The following GALNT13 variants were observed in gnomAD, a reference collection of about 807,000 sequenced individuals.
GALNT13 encodes the protein polypeptide N-acetylgalactosaminyltransferase 13.
Under a neutral mutation model 64.2 loss-of-function variants are expected in GALNT13, and 28 were observed. That is an observed-to-expected ratio of 0.44 (90% CI 0.32 to 0.60). GALNT13 has a LOEUF of 0.60. GALNT13 is among the 20% of genes least tolerant of loss of function. The pLI, the probability that GALNT13 is intolerant of heterozygous loss-of-function variation, is 0.05. For synonymous variants in GALNT13, 214 were observed against 224.6 expected, an observed-to-expected ratio of 0.95 and a Z score of 0.42; for missense variants, 577 against 669.8, an observed-to-expected ratio of 0.86 and a Z score of 1.53.
At chr2:154,293,059 A>C (rs1692732452) in intron 8 of GALNT13, among the ~76,000 whole-genome samples, 1 of 152,202 alleles carries the variant, frequency 6.6e-6, no homozygotes, top group Admixed American at 6.5e-5. Flanking sequence ...GACAAGCTTT[A>C]ATTCCCTGTG....
intron 11 of GALNT13, among the ~76,000 whole-genome samples, chr2:154,422,405 T>G (rs1024317202): frequency 6.6e-6 from 1 of 152,146 alleles, no homozygotes; most frequent in African/African-American, 2.4e-5. Flanking sequence ...TCAAAGGATT[T>G]GATCCAATAC....
chr2:153,501,267 C>G, the GALNT13 span, among the ~76,000 whole-genome samples: 1 of 152,082 alleles, frequency 6.6e-6, no homozygotes, highest in Non-Finnish European at 1.5e-5. Context: ...AGTCTGTTTT[C>G]TTTCAGTAGT....
At chr2:153,872,605 T>G (rs1225275372) in intron 1 of GALNT13, among the ~76,000 whole-genome samples, 3 of 70,710 alleles carry the variant, frequency 4.2e-5, no homozygotes, top group Non-Finnish European at 7.7e-5. Flanking sequence ...GCTACCCCGG[T>G]GAGTTGTTGG....
the GALNT13 span, among the ~76,000 whole-genome samples, chr2:153,207,479 G>A: frequency 1.7e-4 from 26 of 152,082 alleles, no homozygotes; most frequent in Middle Eastern, 6.8e-3. Context: ...CCCTACTTGC[G>A]TAACTCATTG....
chr2:153,265,832 A>G, the GALNT13 span, among the ~76,000 whole-genome samples: 2 of 152,230 alleles, frequency 1.3e-5, no homozygotes, highest in Admixed American at 1.3e-4. Context: ...TGTTGAAATG[A>G]CAACAAAGGA....
At chr2:153,812,319 A>G in the GALNT13 span, among the ~76,000 whole-genome samples, 1 of 152,346 alleles carries the variant, frequency 6.6e-6, no homozygotes, top group African/African-American at 2.4e-5. Context: ...ATATGATGCA[A>G]GAAAAGGCAA....
intron 2 of GALNT13, among the ~76,000 whole-genome samples, chr2:153,905,617 C>G (rs958679740): frequency 3.6e-4 from 55 of 152,002 alleles, no homozygotes; most frequent in African/African-American, 1.3e-3. Context: ...TGATTTTGGT[C>G]ATAACTTTCA....
the GALNT13 span, among the ~76,000 whole-genome samples, chr2:153,383,817 G>A: frequency 6.6e-6 from 1 of 152,032 alleles, no homozygotes; most frequent in Non-Finnish European, 1.5e-5. Flanking sequence ...CCCAGGATGA[G>A]TGGCAGAAAA....
At chr2:153,554,863 A>G in the GALNT13 span, among the ~76,000 whole-genome samples, 1 of 152,326 alleles carries the variant, frequency 6.6e-6, no homozygotes, top group Admixed American at 6.5e-5. Flanking sequence ...CCTTTTAAAA[A>G]TATATGAAAA....
the GALNT13 span, among the ~76,000 whole-genome samples, chr2:153,260,518 T>A: frequency 6.6e-6 from 1 of 152,216 alleles, no homozygotes; most frequent in African/African-American, 2.4e-5. Flanking sequence ...AAATATGTCA[T>A]GTCATGCTCT....
At chr2:154,400,550 T>G (rs1184484162) in intron 10 of GALNT13, among the ~76,000 whole-genome samples, 2 of 152,152 alleles carry the variant, frequency 1.3e-5, no homozygotes, top group African/African-American at 2.4e-5. Context: ...ATCACCAAAG[T>G]CAATAGTTAT....
chr2:153,208,742 G>A, the GALNT13 span, among the ~76,000 whole-genome samples: 1 of 152,042 alleles, frequency 6.6e-6, no homozygotes, highest in Admixed American at 6.6e-5. Context: ...TTTCCAAAGT[G>A]TTTGTACTAT....
At chr2:153,455,894 G>A in the GALNT13 span, among the ~76,000 whole-genome samples, 3 of 152,118 alleles carry the variant, frequency 2.0e-5, no homozygotes, top group Admixed American at 6.5e-5. Flanking sequence ...TGGTAAATGC[G>A]GAGCATTTTA....
At chr2:153,552,151 A>G in the GALNT13 span, among the ~76,000 whole-genome samples, 2 of 152,180 alleles carry the variant, frequency 1.3e-5, no homozygotes, top group Non-Finnish European at 2.9e-5. Context: ...CTATTTGTGG[A>G]CACTGAAAAG....
At chr2:153,398,817 A>G in the GALNT13 span, among the ~76,000 whole-genome samples, 1 of 137,882 alleles carries the variant, frequency 7.3e-6, no homozygotes, top group African/African-American at 2.8e-5. Context: ...TAGATTCTGG[A>G]TATTAGCCCT....
At chr2:153,254,851 TG>T in the GALNT13 span, among the ~76,000 whole-genome samples, 1 of 152,234 alleles carries the variant, frequency 6.6e-6, no homozygotes, top group African/African-American at 2.4e-5. Context: ...TTATAATTTC[TG>T]TTCTTTTACA....
chr2:153,081,802 G>A, the GALNT13 span, among the ~76,000 whole-genome samples: 1 of 152,062 alleles, frequency 6.6e-6, no homozygotes, highest in Non-Finnish European at 1.5e-5. Flanking sequence ...CCAAATCTTA[G>A]TATTGTAAAC....
chr2:153,827,438 A>G, the GALNT13 span, among the ~76,000 whole-genome samples: 1 of 152,098 alleles, frequency 6.6e-6, no homozygotes, highest in African/African-American at 2.4e-5. Flanking sequence ...CCTGGCTAAC[A>G]CAGTGAAATG....
intron 7 of GALNT13, among the ~76,000 whole-genome samples, chr2:154,251,771 C>G (rs1321876450): frequency 1.3e-5 from 2 of 152,126 alleles, no homozygotes; most frequent in African/African-American, 4.8e-5. Context: ...GATAGAAAAG[C>G]ATTTGTGCCT....
Sources: allele counts gnomAD v4.1 joint callset (sites outside exome capture counted in the v4.1 genomes callset), GRCh38; gene constraint gnomAD v4.1.1; transcripts MANE v1.5; gene names NCBI Gene and HGNC (gene_info 2026-07-23, HGNC 2026-07-21).